SOX6: variants seen among roughly 807,000 people sequenced by gnomAD.
The protein encoded by SOX6 is SRY-box transcription factor 6.
SOX6 carries 11 observed loss-of-function variants against 97.8 expected under a neutral mutation model. The ratio of observed to expected loss-of-function variants is 0.11; its 90% CI spans 0.07 to 0.19. SOX6 has a LOEUF of 0.19. SOX6 is among the 10% of genes least tolerant of loss of function. SOX6 has a pLI of 1.00. For missense variants in SOX6, 810 were observed against 1,039.5 expected, an observed-to-expected ratio of 0.78 and a Z score of 3.04; for synonymous variants, 360 against 371.4, an observed-to-expected ratio of 0.97 and a Z score of 0.35.
intron 4 of SOX6, among the ~76,000 whole-genome samples, chr11:16,199,599 C>A (rs6486278): frequency 0.58 from 87,469 of 151,952 alleles, 25,935 homozygotes; most frequent in East Asian, 0.75. Flanking sequence ...AGCCTTCAAG[C>A]CTTCTTCCTG....
chr11:16,063,444 G>A (rs1848006651), intron 9 of SOX6, among the ~76,000 whole-genome samples: 1 of 136,342 alleles, frequency 7.3e-6, no homozygotes, highest in South Asian at 2.3e-4. Flanking sequence ...TAGCCAAACT[G>A]ATGTCAAATT....
At chr11:16,127,438 A>T (rs908500719) in intron 6 of SOX6, among the ~76,000 whole-genome samples, 3 of 152,124 alleles carry the variant, frequency 2.0e-5, no homozygotes, top group Admixed American at 2.0e-4. Flanking sequence ...AATTCTAAAA[A>T]TTATGCTCAA....
intron 6 of SOX6, among the ~76,000 whole-genome samples, chr11:16,141,462 G>T (rs1319840708): frequency 1.3e-5 from 2 of 152,128 alleles, no homozygotes. Flanking sequence ...GGTGATTTCT[G>T]CATTTCCAAC....
At chr11:16,132,339 A>G (rs1590216205) in intron 6 of SOX6, among the ~76,000 whole-genome samples, 9 of 19,316 alleles carry the variant, frequency 4.7e-4, no homozygotes, top group African/African-American at 1.3e-3. Context: ...AGGAAAGAAA[A>G]AAGAAAGAAA....
chr11:16,247,659 T>C (rs575889296), intron 3 of SOX6, among the ~76,000 whole-genome samples: 3 of 152,196 alleles, frequency 2.0e-5, no homozygotes, highest in South Asian at 2.1e-4. Flanking sequence ...GTCACAAGAA[T>C]AGCATGGGGT....
At chr11:16,237,375 T>C (rs891955659) in intron 3 of SOX6, among the ~76,000 whole-genome samples, 1 of 152,052 alleles carries the variant, frequency 6.6e-6, no homozygotes, top group Non-Finnish European at 1.5e-5. Context: ...AAATATGTAA[T>C]TGATACAAAG....
intron 13 of SOX6, among the ~76,000 whole-genome samples, chr11:15,991,215 C>T (rs779163960): frequency 1.3e-4 from 20 of 152,086 alleles, no homozygotes; most frequent in Non-Finnish European, 2.2e-4. Flanking sequence ...CTTTTTGCCA[C>T]GATACCCACA....
intron 4 of SOX6, among the ~76,000 whole-genome samples, chr11:16,555,385 A>T (rs916806184): frequency 9.9e-5 from 15 of 151,628 alleles, no homozygotes; most frequent in Non-Finnish European, 2.1e-4. Context: ...ATCGGTATTT[A>T]AGTGTTTCTT....
chr11:16,596,615 C>T (rs891522320), intron 4 of SOX6, among the ~76,000 whole-genome samples: 2 of 152,196 alleles, frequency 1.3e-5, no homozygotes, highest in African/African-American at 2.4e-5. Flanking sequence ...TGCTGTTATA[C>T]ATAACGCCAT....
At position 15,971,382 on chromosome 11, in the gene SOX6, A is replaced by C. The variant is rs1044270343; in HGVS notation, c.*1427T>G. 1 of 152,618 alleles carries C rather than the reference A, an allele frequency of 6.6e-6. No homozygotes were observed. The highest frequency in any genetic ancestry group is 1.5e-5 in the Non-Finnish European group (1 of 68,046). 9.5% of individuals were successfully genotyped at this position (152,618 alleles called of 1,614,324 possible). A position where few individuals can be genotyped will look rare whatever the true frequency, so the allele number is the denominator to read the frequency against. ...GCCAGCCCATGACAGCTTCACTGAG[A>C]TTCCTGCATGGCCCACGAGCCTTGG... On this transcript the variant is annotated 3_prime_UTR_variant, in exon 16 of 16. Transcript: ENST00000683767.
chr11:16,283,860 T>C (rs1265739012), intron 3 of SOX6: 1 of 405,006 alleles, frequency 2.5e-6, no homozygotes, highest in Non-Finnish European at 4.8e-6. Context: ...TTATTCTCCT[T>C]TCAGCAGTTA....
chr11:16,380,250 T>A lies in SOX6; in HGVS notation c.-4-38998A>T, dbSNP rs1421927636. The stretch of plus-strand genomic sequence containing the variant: ...CTGATGCCATAGGGAAATGCTCACA[T>A]GTTAACTTTTTAAGAGTAGCTTGCA... On this transcript the variant is annotated intron_variant, in intron 1 of 15. Coordinates refer to the SOX6 transcript ENST00000396356. Among the ~76,000 whole-genome samples, 4 of 152,042 alleles carry A rather than the reference T, an allele frequency of 2.6e-5. No individual in the cohort carries two copies. The East Asian group carries it at 7.7e-4, about 29-fold the overall frequency.
intron 13 of SOX6, among the ~76,000 whole-genome samples, chr11:15,997,906 C>G (rs1467972790): frequency 6.6e-6 from 1 of 151,906 alleles, no homozygotes; most frequent in Non-Finnish European, 1.5e-5. Flanking sequence ...TATGGTGAAA[C>G]CCTGCTCTAC....
intron 3 of SOX6, among the ~76,000 whole-genome samples, chr11:16,650,732 C>T (rs934885605): frequency 2.5e-4 from 38 of 151,442 alleles, no homozygotes; most frequent in African/African-American, 8.2e-4. Context: ...GAAACAAGGA[C>T]AAACCAAACC....
At chr11:16,627,314 C>T (rs978382630) in intron 3 of SOX6, among the ~76,000 whole-genome samples, 29 of 152,252 alleles carry the variant, frequency 1.9e-4, no homozygotes, top group African/African-American at 6.7e-4. Context: ...GGTAGAATAA[C>T]TTGTTTTCTT....
At chr11:16,733,001 C>T (rs1848362620) in intron 2 of SOX6, among the ~76,000 whole-genome samples, 2 of 152,214 alleles carry the variant, frequency 1.3e-5, no homozygotes, top group South Asian at 2.1e-4. Flanking sequence ...CATCACTAGT[C>T]ATTAGAGAAA....
chr11:15,979,065 A>ATATATATATATATATATATATATATATAT (rs59143054), intron 15 of SOX6, among the ~76,000 whole-genome samples: 1 of 140,620 alleles, frequency 7.1e-6, no homozygotes, highest in Non-Finnish European at 1.5e-5. Flanking sequence ...ATATATATAT[A>ATATATATATATATATATATATATATATAT]AAACTGCTTA....
chr11:16,078,335 C>T (rs1394346169), intron 9 of SOX6, among the ~76,000 whole-genome samples: 2 of 152,160 alleles, frequency 1.3e-5, no homozygotes, highest in African/African-American at 4.8e-5. Context: ...GATATAAAAA[C>T]TCATCAATGA....
chr11:16,050,683 T>C (rs558536443), intron 10 of SOX6, among the ~76,000 whole-genome samples: 1 of 152,224 alleles, frequency 6.6e-6, no homozygotes, highest in Non-Finnish European at 1.5e-5. Context: ...CCTTCTTCAC[T>C]GAGACAGTAT....
Sources: gnomAD v4.1 joint callset for allele counts (sites outside exome capture counted in the v4.1 genomes callset) on GRCh38, gnomAD v4.1.1 for gene constraint, MANE v1.5 for transcripts, NCBI Gene and HGNC (gene_info 2026-07-23, HGNC 2026-07-21) for gene names.